GRK3: variants seen among roughly 807,000 people sequenced by gnomAD.
GRK3 encodes the protein adrenergic, beta, receptor kinase 2.
In GRK3, 54 loss-of-function variants were observed where a neutral mutation model predicts 95.7. The observed-to-expected ratio is 0.56, with a 90% confidence interval of 0.45 to 0.71. The LOEUF (loss-of-function observed/expected upper bound fraction) is 0.71, where lower values mean the gene tolerates loss of function less well. Ranked by LOEUF, GRK3 falls within the 30% of genes least tolerant of loss-of-function variation. GRK3 has a pLI of 0.00. For synonymous variants in GRK3, 281 were observed against 290.8 expected, an observed-to-expected ratio of 0.97 and a Z score of 0.34; for missense variants, 649 against 851.2, an observed-to-expected ratio of 0.76 and a Z score of 2.96.
intron 13 of GRK3, among the ~76,000 whole-genome samples, chr22:25,702,175 A>G (rs1170804373): frequency 6.6e-6 from 1 of 152,102 alleles, no homozygotes; most frequent in East Asian, 1.9e-4. Context: ...ATAAAGGACT[A>G]GAGTGCCCTC....
At chr22:25,586,903 T>A (rs967641513) in intron 1 of GRK3, among the ~76,000 whole-genome samples, 6 of 152,086 alleles carry the variant, frequency 3.9e-5, no homozygotes, top group Non-Finnish European at 8.8e-5. Flanking sequence ...GCAATCTTTT[T>A]TTTTTTTTGA....
intron 12 of GRK3, among the ~76,000 whole-genome samples, chr22:25,693,465 C>T (rs931399997): frequency 7.2e-5 from 11 of 152,180 alleles, no homozygotes; most frequent in Admixed American, 3.3e-4. Flanking sequence ...AAAGGACTTT[C>T]CAGGCAACCC....
chr22:25,702,021 AT>A (rs1453611481), intron 13 of GRK3, among the ~76,000 whole-genome samples: 2 of 151,574 alleles, frequency 1.3e-5, no homozygotes, highest in Non-Finnish European at 2.9e-5. Flanking sequence ...CAAAAAGAAT[AT>A]TTCCAATCAA....
At chr22:25,672,212 G>A (rs182942871) in intron 6 of GRK3, 84 bp from the exon 7 acceptor site, 28 of 687,208 alleles carry the variant, frequency 4.1e-5, no homozygotes, top group African/African-American at 2.4e-4. Context: ...AAGTAATGCC[G>A]TTCTAGTCTG....
Position 25,725,879 on chromosome 22 carries a change from G to A in GRK3, c.*3429G>A. 1 of 288,272 alleles carries A rather than the reference G, an allele frequency of 3.5e-6. No individual in the cohort carries two copies. The highest frequency in any genetic ancestry group is 5.6e-5 in the East Asian group (1 of 18,006). The allele number at this position is 288,272 out of a possible 1,614,324, so 17.9% of individuals were successfully genotyped here. A position where few individuals can be genotyped will look rare whatever the true frequency, so the allele number is the denominator to read the frequency against. On this transcript the variant is annotated 3_prime_UTR_variant, in exon 21 of 21. Transcript: ENST00000324198. ...CAGGAGAATGGCATGAACCCGGGAG[G>A]CAGAGCTTGCAGTGAGCCGAGATTG...
chr22:25,648,282 A>G, intron 3 of GRK3: 1 of 886,790 alleles, frequency 1.1e-6, no homozygotes, highest in East Asian at 2.4e-5. Context: ...TATCACAACC[A>G]GAGAACAACT....
chr22:25,670,676 G>C (rs2084973622), intron 6 of GRK3, among the ~76,000 whole-genome samples: 1 of 151,918 alleles, frequency 6.6e-6, no homozygotes, highest in Admixed American at 6.6e-5. Context: ...AATCATGCCA[G>C]GGGCAAAATG....
At chr22:25,656,840 C>T (rs969071068) in intron 3 of GRK3, among the ~76,000 whole-genome samples, 2 of 152,166 alleles carry the variant, frequency 1.3e-5, no homozygotes, top group African/African-American at 4.8e-5. Flanking sequence ...TTGGTGACCA[C>T]TTTAGATTGA....
chr22:25,656,606 C>G (rs1468150849), intron 3 of GRK3, among the ~76,000 whole-genome samples: 4 of 152,166 alleles, frequency 2.6e-5, no homozygotes, highest in Admixed American at 2.6e-4. Context: ...GGATTATAGG[C>G]ATGAGCTACT....
chr22:25,699,614 C>T (rs2085240296), intron 13 of GRK3, among the ~76,000 whole-genome samples: 1 of 152,130 alleles, frequency 6.6e-6, no homozygotes, highest in African/African-American at 2.4e-5. Flanking sequence ...AAATGCCCCT[C>T]CCTCCTCCCA....
chr22:25,643,353 A>G (rs1343414055), intron 2 of GRK3, among the ~76,000 whole-genome samples: 1 of 152,214 alleles, frequency 6.6e-6, no homozygotes. Context: ...GTTTGAGTGA[A>G]CGAACACTTA....
At chr22:25,669,110 T>C (rs1220369002) in intron 6 of GRK3, among the ~76,000 whole-genome samples, 1 of 152,188 alleles carries the variant, frequency 6.6e-6, no homozygotes, top group African/African-American at 2.4e-5. Flanking sequence ...GGTGATAAGT[T>C]TGGAGCTTTG....
intron 3 of GRK3, among the ~76,000 whole-genome samples, chr22:25,660,706 A>G (rs1220319303): frequency 2.6e-5 from 4 of 152,350 alleles, no homozygotes; most frequent in South Asian, 2.1e-4. Flanking sequence ...AGTCATATGT[A>G]CTAATCAGTC....
chr22:25,595,269 G>C (rs2084364868), intron 1 of GRK3, among the ~76,000 whole-genome samples: 1 of 152,016 alleles, frequency 6.6e-6, no homozygotes, highest in Admixed American at 6.6e-5. Context: ...TAAAGACTCT[G>C]CCAAAGACTC....
At position 25,727,819 on chromosome 22, in the gene GRK3, A is replaced by T. The variant is rs2085486382; in HGVS notation, c.*5369A>T. ...GTGTATTTGTATTACAAAGAACTTGAAATTTACTTTCTTAGTTGATTATAT... is the reference window on the plus strand; with the variant it reads ...GTGTATTTGTATTACAAAGAACTTGTAATTTACTTTCTTAGTTGATTATAT... On this transcript the variant is annotated 3_prime_UTR_variant, in exon 21 of 21. Coordinates refer to ENST00000324198, the MANE Select transcript of GRK3 (RefSeq NM_005160.4). The T allele has an allele frequency of 6.6e-6, 1 of 152,200 alleles. No homozygotes were observed. The highest frequency in any genetic ancestry group is 2.4e-5 in the African/African-American group (1 of 41,448). The allele number at this position is 152,200 out of a possible 1,614,324, so 9.4% of individuals were successfully genotyped here.
intron 13 of GRK3, chr22:25,702,958 G>A (rs2085269940): frequency 2.2e-6 from 1 of 451,198 alleles, no homozygotes; most frequent in African/African-American, 2.0e-5. Flanking sequence ...AAAACAGGAA[G>A]CGCTCAGAGC....
chr22:25,716,169 T>C (rs1255430544), intron 18 of GRK3, among the ~76,000 whole-genome samples: 1 of 152,108 alleles, frequency 6.6e-6, no homozygotes, highest in Non-Finnish European at 1.5e-5. Flanking sequence ...TTTGTATTTT[T>C]AGTAGAGATG....
intron 17 of GRK3, among the ~76,000 whole-genome samples, chr22:25,712,992 G>A (rs531036555): frequency 1.3e-5 from 2 of 152,198 alleles, no homozygotes; most frequent in South Asian, 2.1e-4. Context: ...TTCTTTAAAA[G>A]GGTGGGGGAA....
chr22:25,637,301 G>A (rs1009911027), intron 2 of GRK3, among the ~76,000 whole-genome samples: 1 of 152,210 alleles, frequency 6.6e-6, no homozygotes, highest in South Asian at 2.1e-4. Context: ...CTTGCAGACA[G>A]CATAGCATGG....
Sources: allele counts gnomAD v4.1 joint callset (sites outside exome capture counted in the v4.1 genomes callset), GRCh38; gene constraint gnomAD v4.1.1; transcripts MANE v1.5; gene names NCBI Gene and HGNC (gene_info 2026-07-23, HGNC 2026-07-21).